WWP2: variants seen among roughly 807,000 people sequenced by gnomAD.
WWP2 encodes the protein NEDD4-like E3 ubiquitin-protein ligase WWP2.
WWP2 carries 57 observed loss-of-function variants against 121.0 expected under a neutral mutation model. The ratio of observed to expected loss-of-function variants is 0.47; its 90% CI spans 0.38 to 0.59. The LOEUF is 0.59. WWP2 is among the 20% of genes least tolerant of loss of function. WWP2 has a pLI of 0.00. For missense variants in WWP2, 962 were observed against 1,158.9 expected (o/e 0.83, Z 2.47); for synonymous variants, 449 against 441.3 (o/e 1.02, Z -0.22).
At chr16:69,778,271 C>T (rs951666004) in intron 1 of WWP2, among the ~76,000 whole-genome samples, 3 of 149,960 alleles carry the variant, frequency 2.0e-5, no homozygotes, top group Admixed American at 6.7e-5. Context: ...ATCCCCCTCC[C>T]AATAAGTCCA....
chr16:69,888,620 G>C (rs1043708737), intron 8 of WWP2, among the ~76,000 whole-genome samples: 1 of 152,138 alleles, frequency 6.6e-6, no homozygotes, highest in African/African-American at 2.4e-5. Flanking sequence ...AGCCCACGGA[G>C]GAGTTGGGTT....
At chr16:69,767,698 A>G (rs2038762231) in intron 1 of WWP2, among the ~76,000 whole-genome samples, 1 of 152,150 alleles carries the variant, frequency 6.6e-6, no homozygotes, top group African/African-American at 2.4e-5. Flanking sequence ...GGATTGATGC[A>G]TCTGAGGGCT....
At chr16:69,823,594 A>G (rs1370630381) in intron 4 of WWP2, among the ~76,000 whole-genome samples, 1 of 151,568 alleles carries the variant, frequency 6.6e-6, no homozygotes, top group Non-Finnish European at 1.5e-5. Flanking sequence ...CAGCCTCCCA[A>G]GTAGCTGGGA....
intron 4 of WWP2, among the ~76,000 whole-genome samples, chr16:69,818,300 C>A (rs536609915): frequency 3.3e-5 from 5 of 151,834 alleles, no homozygotes; most frequent in African/African-American, 7.3e-5. Context: ...CTCTGCCTCC[C>A]GGGTTCAAGC....
intron 7 of WWP2, among the ~76,000 whole-genome samples, chr16:69,877,610 T>C (rs541502194): frequency 3.3e-5 from 5 of 152,258 alleles, no homozygotes; most frequent in Non-Finnish European, 5.9e-5. Flanking sequence ...TTGGCCTGTC[T>C]TGGCTTTCAA....
chr16:69,808,114 A>T (rs1204666400), intron 4 of WWP2, among the ~76,000 whole-genome samples: 1 of 152,218 alleles, frequency 6.6e-6, no homozygotes. Context: ...CCTCCCTGAA[A>T]TAACCACTAT....
At chr16:69,931,648 C>T (rs887555574) in intron 15 of WWP2, 68 bp downstream of exon 15, 43 of 1,602,296 alleles carry the variant, frequency 2.7e-5, no homozygotes, top group Middle Eastern at 1.7e-4. Context: ...TCTCCTATCG[C>T]GTGGCCTGTT....
intron 1 of WWP2, among the ~76,000 whole-genome samples, chr16:69,777,554 G>A (rs1374880296): frequency 2.6e-5 from 4 of 151,740 alleles, no homozygotes. Flanking sequence ...ACCCACCTCA[G>A]CCTCCCAAAG....
At chr16:69,797,118 G>A (rs1209622778) in intron 2 of WWP2, among the ~76,000 whole-genome samples, 1 of 152,172 alleles carries the variant, frequency 6.6e-6, no homozygotes, top group Non-Finnish European at 1.5e-5. Context: ...TTTCCACCAG[G>A]GGTAATATAC....
At chr16:69,871,642 C>A in intron 6 of WWP2, 162 bp from the exon 7 acceptor site, 1 of 1,006,388 alleles carries the variant, frequency 9.9e-7, no homozygotes, top group African/African-American at 1.6e-5. Flanking sequence ...CTGGGTCTCT[C>A]TGCTTGGAAC....
At chr16:69,907,655 A>G (rs560797141) in intron 8 of WWP2, among the ~76,000 whole-genome samples, 71 of 152,270 alleles carry the variant, frequency 4.7e-4, no homozygotes, top group South Asian at 2.3e-3. Flanking sequence ...GTGTGGGGAT[A>G]AGTGGTCCTT....
At chr16:69,932,147 T>C (rs2058725864) in intron 16 of WWP2, among the ~76,000 whole-genome samples, 2 of 152,140 alleles carry the variant, frequency 1.3e-5, no homozygotes, top group African/African-American at 4.8e-5. Flanking sequence ...CTGACCAACA[T>C]GGAGAAACCC....
chr16:69,900,882 C>G (rs2058193609), intron 8 of WWP2, among the ~76,000 whole-genome samples: 2 of 152,136 alleles, frequency 1.3e-5, no homozygotes. Context: ...AGAAGAAAGA[C>G]TTAATTCAGG....
intron 4 of WWP2, among the ~76,000 whole-genome samples, chr16:69,824,242 C>T (rs1416722857): frequency 1.3e-5 from 2 of 152,144 alleles, no homozygotes; most frequent in Non-Finnish European, 1.5e-5. Flanking sequence ...TTTAATTTTC[C>T]CTCTTCCTTC....
intron 6 of WWP2, among the ~76,000 whole-genome samples, chr16:69,850,105 G>A (rs922047073): frequency 1.3e-5 from 2 of 152,058 alleles, no homozygotes; most frequent in Non-Finnish European, 2.9e-5. Context: ...ATGAAAAGTC[G>A]GCCGGGCGCA....
At chr16:69,794,063 G>A (rs117849002) in intron 2 of WWP2, among the ~76,000 whole-genome samples, 2,811 of 152,042 alleles carry the variant, frequency 0.018, 51 homozygotes, top group Middle Eastern at 0.034. Context: ...AACTACAGGC[G>A]TGCGCCACCA....
chr16:69,869,421 C>T (rs7203292), intron 6 of WWP2, among the ~76,000 whole-genome samples: 16,101 of 148,024 alleles, frequency 0.11, 1,201 homozygotes, highest in African/African-American at 0.21. Flanking sequence ...AGGTCTCACT[C>T]TTTTGCCACG....
At chr16:69,921,927 A>G (rs901810743) in intron 10 of WWP2, among the ~76,000 whole-genome samples, 2 of 151,902 alleles carry the variant, frequency 1.3e-5, no homozygotes, top group Admixed American at 6.6e-5. Flanking sequence ...TACAAAAATT[A>G]GCTGGGCGTG....
chr16:69,827,894 G>A (rs1274193864), intron 4 of WWP2: 1 of 455,778 alleles, frequency 2.2e-6, no homozygotes, highest in Non-Finnish European at 4.4e-6. Context: ...ATTTCCCCAG[G>A]TACCTTTTAA....
Sources: gnomAD v4.1 joint callset for allele counts (sites outside exome capture counted in the v4.1 genomes callset) on GRCh38, gnomAD v4.1.1 for gene constraint, MANE v1.5 for transcripts, NCBI Gene and HGNC (gene_info 2026-07-23, HGNC 2026-07-21) for gene names.